The following ACAP3 variants were observed in gnomAD, a reference collection of about 807,000 sequenced individuals.
ACAP3 encodes arf-GAP with coiled-coil, ANK repeat and PH domain-containing protein 3.
Under a neutral mutation model 104.1 loss-of-function variants are expected in ACAP3, and 56 were observed. The observed-to-expected ratio is 0.54, with a 90% CI of 0.43 to 0.67. ACAP3 has a LOEUF of 0.67. ACAP3 is among the 30% of genes least tolerant of loss of function. The probability of loss-of-function intolerance (pLI) is 0.00; values close to 1 mark genes in which losing one functional copy is unlikely to be tolerated. For synonymous variants in ACAP3, 628 were observed against 496.2 expected (o/e 1.27, Z -3.53); for missense variants, 1,208 against 1,174.9 (o/e 1.03, Z -0.41).
At position 1,294,566 on chromosome 1, in the gene ACAP3, C is replaced by T. The variant is rs200710534; in HGVS notation, c.1975G>A (p.Gly659Ser). Residue 659 changes from glycine to serine, a missense_variant, in exon 21 of 24, where the codon GGC becomes AGC. Physicochemically the swap from Gly to Ser is moderately conservative, Grantham distance 56 (BLOSUM62 0). Transcript: ENST00000354700. ...TGCAGCTCGCGCACGTCCGCCAGGC[C>T]CCAGGCCTCGGCCTCAGTGTCCCCG... Reference protein sequence around the residue: ...ADGDTEAEAWGLADVRELHPG... With the variant: ...ADGDTEAEAWSLADVRELHPG... 1.3e-4 allele frequency: 199 copies of T among 1,507,824 alleles called. No homozygotes were observed. The highest frequency in any genetic ancestry group is 1.7e-4 in the Non-Finnish European group (190 of 1,136,370). 93.4% of individuals were successfully genotyped at this position (1,507,824 alleles called of 1,614,324 possible). A position where few individuals can be genotyped will look rare whatever the true frequency, so the allele number is the denominator to read the frequency against.
intron 1 of ACAP3, chr1:1,307,413 G>A (rs1337368163): frequency 4.6e-6 from 6 of 1,292,144 alleles, no homozygotes; most frequent in Middle Eastern, 2.1e-4. Context: ...AGAGACCAGG[G>A]GCCGACGCCC....
intron 15 of ACAP3, 33 bp from the exon 16 acceptor site, chr1:1,296,313 A>G: frequency 6.5e-7 from 1 of 1,550,310 alleles, no homozygotes; most frequent in Non-Finnish European, 8.7e-7. Context: ...AGTCTGGGGG[A>G]GGCAAGGCCC....
intron 1 of ACAP3, chr1:1,305,930 GACC>G (rs1641673299): frequency 6.6e-6 from 1 of 152,292 alleles, no homozygotes; most frequent in Non-Finnish European, 1.5e-5. Flanking sequence ...CCACGTTACA[GACC>G]ACATCTTCCC....
Position 1,304,199 on chromosome 1 carries a change from T to G in ACAP3, c.48-56A>C, listed in dbSNP as rs1344431684. 3.2e-6 allele frequency: 5 copies of G among 1,546,210 alleles called. No individual in the cohort carries two copies. In the African/African-American group the frequency reaches 6.9e-5, roughly 21 times the overall value. On this transcript the variant is annotated intron_variant, in intron 1 of 23. Coordinates refer to ENST00000354700, the MANE Select transcript of ACAP3 (RefSeq NM_030649.3). ...CCTGCAGCCTCAGCCCCCTCGGGGC[T>G]TCACCTCCCCCCGCACCTCCCTGAG...
intron 14 of ACAP3, 105 bp from the exon 15 acceptor site, chr1:1,296,738 C>A: frequency 1.6e-6 from 2 of 1,226,002 alleles, no homozygotes; most frequent in Admixed American, 4.1e-5. Context: ...GCCAGGGCCC[C>A]TCGAGCACAC....
At chr1:1,299,546 G>GCTGGGTTTAGA in intron 9 of ACAP3, 190 bp from the exon 10 acceptor site, 1 of 790,856 alleles carries the variant, frequency 1.3e-6, no homozygotes, top group Non-Finnish European at 2.0e-6. Flanking sequence ...GATGGTGGCC[G>GCTGGGTTTAGA]GGGCTGCTGT....
rs1640932493 is a variant in ACAP3, at chr1:1,293,490, G to C, written c.*74C>G. 1 of 1,329,194 alleles carries C rather than the reference G, an allele frequency of 7.5e-7. No individual in the cohort carries two copies. Among genetic ancestry groups the C allele is most frequent in the Non-Finnish European group, 9.6e-7 (1 of 1,044,328 alleles). The allele number at this position is 1,329,194 out of a possible 1,614,324, so 82.3% of individuals were successfully genotyped here. A position where few individuals can be genotyped will look rare whatever the true frequency, so the allele number is the denominator to read the frequency against. ...CGGGTCACACGCAGGGCCGCGGCCG[G>C]GTGGGCGCCAGGGACTTCGGGGCAT... On this transcript the variant is annotated 3_prime_UTR_variant, in exon 24 of 24. Coordinates refer to ENST00000354700, the MANE Select transcript of ACAP3 (RefSeq NM_030649.3).
Position 1,303,916 on chromosome 1 carries a change from G to A in ACAP3, c.105+170C>T, listed in dbSNP as rs1200115413. ...CCAGCCACATGTGTGCATGTGACAT[G>A]TGCACCCTGGAACACACATGCTAAG... On this transcript the variant is annotated intron_variant, in intron 2 of 23. Coordinates refer to ENST00000354700, the MANE Select transcript of ACAP3 (RefSeq NM_030649.3). The surrounding 1 kb of genome is among the most constrained non-coding windows in gnomAD (Gnocchi z 4.0). 3 of 784,996 alleles carry A rather than the reference G, an allele frequency of 3.8e-6. No individual in the cohort carries two copies. The highest frequency in any genetic ancestry group is 4.9e-5 in the Admixed American group (2 of 40,984). The allele number at this position is 784,996 out of a possible 1,614,324, so 48.6% of individuals were successfully genotyped here.
chr1:1,298,148 C>T (rs368299286), intron 12 of ACAP3, 35 bp from the exon 13 acceptor site: 276 of 1,579,826 alleles, frequency 1.7e-4, no homozygotes, highest in Non-Finnish European at 2.2e-4. Flanking sequence ...CTGCCCTCAG[C>T]CACCACCCGG....
intron 1 of ACAP3, chr1:1,307,295 C>CA: frequency 7.8e-7 from 1 of 1,289,148 alleles, no homozygotes; most frequent in Non-Finnish European, 1.0e-6. Flanking sequence ...CCCTCCAAGC[C>CA]CCTGGGTCAT....
chr1:1,294,978 AAGG>A (rs1641053529), intron 19 of ACAP3, 162 bp from the exon 20 acceptor site: 1 of 657,544 alleles, frequency 1.5e-6, no homozygotes, highest in Admixed American at 3.0e-5. Flanking sequence ...GCTAGGAGCA[AAGG>A]AGAGAAAACC....
At chr1:1,307,311 C>A in intron 1 of ACAP3, 2 of 1,289,276 alleles carry the variant, frequency 1.6e-6, no homozygotes, top group Non-Finnish European at 2.0e-6. Context: ...GTCATTCAAA[C>A]CACTTCACGT....
Position 1,299,237 on chromosome 1 carries a change from TG to T in ACAP3, c.750+107del, listed in dbSNP as rs920798899. 11 of 1,390,050 alleles carry T rather than the reference TG, an allele frequency of 7.9e-6. No individual in the cohort carries two copies. In the African/African-American group the frequency reaches 1.3e-4, roughly 16 times the overall value. 86.1% of individuals were successfully genotyped at this position (1,390,050 alleles called of 1,614,324 possible). On this transcript the variant is annotated intron_variant, in intron 10 of 23. Transcript: ENST00000354700. ...CATCAGCAGCAGGAGCCGAGACTGGTGGGAGGTGTCCTTGGTGCTGAAGTGC... is the reference window on the plus strand; with the variant it reads ...CATCAGCAGCAGGAGCCGAGACTGGTGGAGGTGTCCTTGGTGCTGAAGTGC...
At chr1:1,302,359 C>G (rs1415470015) in intron 4 of ACAP3, among the ~76,000 whole-genome samples, 1 of 152,094 alleles carries the variant, frequency 6.6e-6, no homozygotes, top group Non-Finnish European at 1.5e-5. Flanking sequence ...CTGGGGTGCC[C>G]ATCCCTGCAG....
chr1:1,296,746 C>G (rs1210371176), intron 14 of ACAP3, 113 bp from the exon 15 acceptor site: 4 of 1,090,650 alleles, frequency 3.7e-6, no homozygotes, highest in Non-Finnish European at 5.3e-6. Context: ...CCCTCGAGCA[C>G]ACGCCCGCAC....
In ACAP3 at chr1:1,303,783, A is replaced by C; in HGVS notation, c.105+303T>G. Reference sequence around the variant, plus strand: ...CCCCAGCCACACCAAGGCTCAGCCCACACAGCAGCTGTCCCCGTGTCACCA... The same window carrying C: ...CCCCAGCCACACCAAGGCTCAGCCCCCACAGCAGCTGTCCCCGTGTCACCA... On this transcript the variant is annotated intron_variant, in intron 2 of 23. Transcript: ENST00000354700. This position sits in a 1 kb window ranked among gnomAD's most constrained non-coding sequence, Gnocchi z 4.0. 6.3e-6 allele frequency: 3 copies of C among 472,744 alleles called. No individual in the cohort carries two copies. The highest frequency in any genetic ancestry group is 3.9e-5 in the East Asian group (1 of 25,922). 29.3% of individuals were successfully genotyped at this position (472,744 alleles called of 1,614,324 possible).
rs539992536 is a variant in ACAP3, at chr1:1,305,944, G to A, written c.48-1801C>T. 4.5e-3 allele frequency: 682 copies of A among 152,254 alleles called. 2 individuals carry two copies. The highest frequency in any genetic ancestry group is 7.9e-3 in the Non-Finnish European group (535 of 68,074). 9.4% of individuals were successfully genotyped at this position (152,254 alleles called of 1,614,324 possible). ...TCCACGTTACAGACCACATCTTCCC[G>A]CCCACCCTGCCTGGCCCCCCAACCT... is the stretch of plus-strand genomic sequence containing the variant. On this transcript the variant is annotated intron_variant, in intron 1 of 23. Coordinates refer to ENST00000354700, the MANE Select transcript of ACAP3 (RefSeq NM_030649.3).
At position 1,303,600 on chromosome 1, in the gene ACAP3, G is replaced by A. The variant is rs907514086; in HGVS notation, c.106-319C>T. 2.1e-5 allele frequency: 10 copies of A among 479,122 alleles called. No homozygotes were observed. The highest frequency in any genetic ancestry group is 1.2e-4 in the African/African-American group (6 of 50,494). The allele number at this position is 479,122 out of a possible 1,614,324, so 29.7% of individuals were successfully genotyped here. A position where few individuals can be genotyped will look rare whatever the true frequency, so the allele number is the denominator to read the frequency against. On this transcript the variant is annotated intron_variant, in intron 2 of 23. Coordinates refer to ENST00000354700, the MANE Select transcript of ACAP3 (RefSeq NM_030649.3). The surrounding 1 kb of genome is among the most constrained non-coding windows in gnomAD (Gnocchi z 4.0). The stretch of plus-strand genomic sequence containing the variant: ...TAAGGCTGCCCACTCCCAGCTCCAC[G>A]GCCTGTTGCCCCCTCCTCTTTCTCA...
At position 1,303,771 on chromosome 1, in the gene ACAP3, A is replaced by G. The variant is rs1641558621; in HGVS notation, c.105+315T>C. ...TCTCAGCCCCAGCCCCAGCCACACCAAGGCTCAGCCCACACAGCAGCTGTC... is the reference window on the plus strand; with the variant it reads ...TCTCAGCCCCAGCCCCAGCCACACCGAGGCTCAGCCCACACAGCAGCTGTC... On this transcript the variant is annotated intron_variant, in intron 2 of 23. Coordinates refer to ENST00000354700, the MANE Select transcript of ACAP3 (RefSeq NM_030649.3). The surrounding 1 kb of genome is among the most constrained non-coding windows in gnomAD (Gnocchi z 4.0). 4.7e-6 allele frequency: 2 copies of G among 427,976 alleles called. No homozygotes were observed. Among genetic ancestry groups the G allele is most frequent in the South Asian group, 5.1e-5 (2 of 39,550 alleles). 26.5% of individuals were successfully genotyped at this position (427,976 alleles called of 1,614,324 possible). A position where few individuals can be genotyped will look rare whatever the true frequency, so the allele number is the denominator to read the frequency against.
Sources: allele counts gnomAD v4.1 joint callset (sites outside exome capture counted in the v4.1 genomes callset), GRCh38; gene constraint gnomAD v4.1.1; non-coding constraint Gnocchi (gnomAD v3.1); transcripts MANE v1.5; gene names NCBI Gene and HGNC (gene_info 2026-07-23, HGNC 2026-07-21).